RALGAPA2: variants seen among roughly 807,000 people sequenced by gnomAD.
The protein encoded by RALGAPA2 is Ral GTPase activating protein catalytic subunit alpha 2.
A neutral mutation model predicts 230.4 loss-of-function variants in RALGAPA2; 139 were observed. That is an observed-to-expected ratio of 0.60 (90% CI 0.53 to 0.69). RALGAPA2 has a LOEUF of 0.69. RALGAPA2 is among the 30% of genes least tolerant of loss of function. The probability of loss-of-function intolerance (pLI) is 0.00; values close to 1 mark genes in which losing one functional copy is unlikely to be tolerated. For synonymous variants in RALGAPA2, 847 were observed against 837.8 expected, an observed-to-expected ratio of 1.01 and a Z score of -0.19; for missense variants, 2,163 against 2,276.0, an observed-to-expected ratio of 0.95 and a Z score of 1.01.
In RALGAPA2 at chr20:20,671,723, T is replaced by A. The variant is rs368854715; in HGVS notation, c.270+4513A>T. On this transcript the variant is annotated intron_variant, in intron 3 of 39. Transcript: ENST00000202677. ...CTAATCCTCTGTAAATGGTAATGTA[T>A]CAGTATTAACACCCTCCCTAGTCTA... is the stretch of plus-strand genomic sequence containing the variant. Among the ~76,000 whole-genome samples, 9 of 152,298 alleles carry A rather than the reference T, an allele frequency of 5.9e-5. No homozygotes were observed. In the East Asian group the frequency reaches 1.2e-3, roughly 20 times the overall value.
intron 1 of RALGAPA2, among the ~76,000 whole-genome samples, chr20:20,699,833 A>G (rs1035995818): frequency 6.6e-6 from 1 of 152,222 alleles, no homozygotes; most frequent in African/African-American, 2.4e-5. Flanking sequence ...TGTGGAGAAA[A>G]GGGAACACTT....
In RALGAPA2 at chr20:20,630,923, GA is replaced by G. The variant is rs200162806; in HGVS notation, c.1006-1334del. Among the ~76,000 whole-genome samples, 418 of 147,476 alleles carry G rather than the reference GA, an allele frequency of 2.8e-3. 1 individual carries two copies. The highest frequency in any genetic ancestry group is 9.3e-3 in the African/African-American group (374 of 40,172). On this transcript the variant is annotated intron_variant, in intron 9 of 39. Transcript: ENST00000202677. ...CCCATTTTCCCCACAAACTAAAAAA[GA>G]AAAAAAAAATATGCACATAGATAGC... is the stretch of plus-strand genomic sequence containing the variant.
chr20:20,548,055 T>C (rs2145725812), intron 23 of RALGAPA2, among the ~76,000 whole-genome samples: 1 of 152,262 alleles, frequency 6.6e-6, no homozygotes, highest in East Asian at 1.9e-4. Flanking sequence ...TACATGACTA[T>C]ACTATAGTAA....
intron 24 of RALGAPA2, among the ~76,000 whole-genome samples, chr20:20,541,197 C>G (rs1463992587): frequency 6.6e-6 from 1 of 151,782 alleles, no homozygotes; most frequent in African/African-American, 2.4e-5. Flanking sequence ...TTGCATTTCC[C>G]TGGTGATCCT....
rs749089631 is a variant in RALGAPA2 at position 20,605,403 on chromosome 20, C to T, written c.1810G>A (p.Val604Ile). The stretch of plus-strand genomic sequence containing the variant: ...CAGAGGTTTGCTCGGATCCAAGCTA[C>T]CATGAGCGTCTAAAACCAACCAACC... ...LAGLLFRTLM[V>I]AWIRANLCVY... is the part of the protein sequence containing the mutation. Residue 604 changes from valine to isoleucine, a missense_variant, in exon 15 of 40, where the codon GTA (valine) becomes ATA (isoleucine). Val to Ile is a conservative substitution (Grantham distance 29). Transcript: ENST00000202677. 3.1e-6 allele frequency: 5 copies of T among 1,612,856 alleles called. No individual in the cohort carries two copies. Among genetic ancestry groups the T allele is most frequent in the Non-Finnish European group, 4.2e-6 (5 of 1,179,022 alleles).
intron 1 of RALGAPA2, among the ~76,000 whole-genome samples, chr20:20,704,110 C>T (rs962383981): frequency 6.6e-6 from 1 of 152,088 alleles, no homozygotes; most frequent in Admixed American, 6.5e-5. Flanking sequence ...ACTTCACCTG[C>T]TACCTTCACA....
At chr20:20,502,564 GGT>G (rs1318782698) in intron 35 of RALGAPA2, among the ~76,000 whole-genome samples, 1 of 152,204 alleles carries the variant, frequency 6.6e-6, no homozygotes, top group Admixed American at 6.5e-5. Context: ...TCTGATCCCT[GGT>G]CTGCCTGTCA....
At chr20:20,614,809 G>C (rs759286563) in intron 13 of RALGAPA2, among the ~76,000 whole-genome samples, 6 of 152,092 alleles carry the variant, frequency 3.9e-5, no homozygotes, top group Non-Finnish European at 7.4e-5. Context: ...ACTTTCCAAA[G>C]CCCCTTTCCT....
rs1222055148 is a variant in RALGAPA2 at position 20,391,640 on chromosome 20, AC to A, written c.*1648del. The A allele has an allele frequency of 6.6e-6, 1 of 152,288 alleles. No homozygotes were observed. The highest frequency in any genetic ancestry group is 1.5e-5 in the Non-Finnish European group (1 of 68,108). The allele number at this position is 152,288 out of a possible 1,614,324, so 9.4% of individuals were successfully genotyped here. A position where few individuals can be genotyped will look rare whatever the true frequency, so the allele number is the denominator to read the frequency against. On this transcript the variant is annotated 3_prime_UTR_variant, in exon 40 of 40. Transcript: ENST00000202677. ...CCTACAAAGGCCAGGTTCCAGCCAAACCAGCTCCATGGCAAATGGAAAAAAC... is the reference window on the plus strand; with the variant it reads ...CCTACAAAGGCCAGGTTCCAGCCAAACAGCTCCATGGCAAATGGAAAAAAC...
chr20:20,451,488 G>A (rs1262375822), intron 37 of RALGAPA2, among the ~76,000 whole-genome samples: 1 of 152,142 alleles, frequency 6.6e-6, no homozygotes, highest in Non-Finnish European at 1.5e-5. Context: ...GTGCTCATGT[G>A]CCAGACTGGC....
intron 1 of RALGAPA2, among the ~76,000 whole-genome samples, chr20:20,704,074 G>A (rs2069503767): frequency 6.6e-6 from 1 of 152,138 alleles, no homozygotes; most frequent in Non-Finnish European, 1.5e-5. Flanking sequence ...ATCACCACAT[G>A]AGTAAGAAAA....
chr20:20,456,010 C>G (rs2061108513), intron 37 of RALGAPA2, among the ~76,000 whole-genome samples: 1 of 152,194 alleles, frequency 6.6e-6, no homozygotes, highest in African/African-American at 2.4e-5. Context: ...AAAATGCACG[C>G]TTTCAACACT....
intron 38 of RALGAPA2, among the ~76,000 whole-genome samples, chr20:20,409,322 C>G (rs917631270): frequency 5.3e-5 from 8 of 152,210 alleles, no homozygotes; most frequent in African/African-American, 1.9e-4. Context: ...GCTACCAATA[C>G]AGTGCAGAAT....
rs1169304946 is a variant in RALGAPA2, at chr20:20,407,096, CG to C, written c.5617+4930del. ...CTGATTCCAACTTGCCCATGACCTT[CG>C]GTGGTCCCTTCCTGGGTTGGTCTTC... On this transcript the variant is annotated intron_variant, in intron 38 of 39. Coordinates refer to ENST00000202677, the MANE Select transcript of RALGAPA2 (RefSeq NM_020343.4). 3.3e-5 allele frequency among the ~76,000 whole-genome samples: 5 copies of C among 152,178 alleles called. No individual in the cohort carries two copies. In the East Asian group the frequency reaches 9.7e-4, roughly 29 times the overall value.
intron 3 of RALGAPA2, among the ~76,000 whole-genome samples, chr20:20,665,050 T>C (rs1459170712): frequency 6.6e-6 from 1 of 152,198 alleles, no homozygotes; most frequent in African/African-American, 2.4e-5. Context: ...AGACTTATAA[T>C]AGCAAGTTTT....
At chr20:20,613,223 G>A (rs2066027096) in intron 13 of RALGAPA2, among the ~76,000 whole-genome samples, 1 of 152,150 alleles carries the variant, frequency 6.6e-6, no homozygotes, top group Non-Finnish European at 1.5e-5. Context: ...ACTCCACCAA[G>A]GAGAACTGCT....
intron 38 of RALGAPA2, among the ~76,000 whole-genome samples, chr20:20,407,834 T>C (rs1326020705): frequency 6.6e-6 from 1 of 152,220 alleles, no homozygotes; most frequent in Non-Finnish European, 1.5e-5. Flanking sequence ...GTTTGCAGTT[T>C]TGTGCAGTAG....
At chr20:20,555,526 A>AT (rs2064058832) in intron 23 of RALGAPA2, among the ~76,000 whole-genome samples, 1 of 152,174 alleles carries the variant, frequency 6.6e-6, no homozygotes, top group Non-Finnish European at 1.5e-5. Context: ...TGCTATCTTA[A>AT]TAATATTAAG....
At chr20:20,447,440 A>T (rs555773176) in intron 37 of RALGAPA2, among the ~76,000 whole-genome samples, 10 of 152,300 alleles carry the variant, frequency 6.6e-5, no homozygotes, top group African/African-American at 2.4e-4. Context: ...AGATGCAGAG[A>T]GCTCAACAGC....
Sources: gnomAD v4.1 joint callset for allele counts (sites outside exome capture counted in the v4.1 genomes callset) on GRCh38, gnomAD v4.1.1 for gene constraint, MANE v1.5 for transcripts, NCBI Gene and HGNC (gene_info 2026-07-23, HGNC 2026-07-21) for gene names.